The following PRKN variants were observed in gnomAD, a reference collection of about 807,000 sequenced individuals.
PRKN encodes parkin RBR E3 ubiquitin protein ligase, also known as E3 ubiquitin-protein ligase parkin.
In PRKN, 56 loss-of-function variants were observed where a neutral mutation model predicts 59.5. The ratio of observed to expected loss-of-function variants is 0.94; its 90% CI spans 0.76 to 1.18. The LOEUF is 1.18. Ranked by LOEUF, PRKN falls within the 50% of genes most tolerant of loss-of-function variation. PRKN has a pLI of 0.00. For synonymous variants in PRKN, 250 were observed against 222.1 expected, an observed-to-expected ratio of 1.13 and a Z score of -1.12; for missense variants, 657 against 596.4, an observed-to-expected ratio of 1.10 and a Z score of -1.06.
Position 161,679,873 on chromosome 6 carries a change from G to GC in PRKN, c.871+105898dup, listed in dbSNP as rs907443037. The stretch of plus-strand genomic sequence containing the variant: ...GGGTTAACACCATTCTCCTGCCTCA[G>GC]CCCCCCCAGGAGCTGGGACTACAGG... On this transcript the variant is annotated intron_variant, in intron 7 of 11. Coordinates refer to ENST00000366898, the MANE Select transcript of PRKN (RefSeq NM_004562.3). Among the ~76,000 whole-genome samples, 9 of 145,214 alleles carry GC rather than the reference G, an allele frequency of 6.2e-5. No homozygotes were observed. In the East Asian group the frequency reaches 6.6e-4, roughly 11 times the overall value.
At chr6:162,572,275 TA>T (rs952695118) in intron 1 of PRKN, among the ~76,000 whole-genome samples, 1 of 152,226 alleles carries the variant, frequency 6.6e-6, no homozygotes, top group African/African-American at 2.4e-5. Flanking sequence ...TAATGTTAAG[TA>T]ACTTGGGTTT....
chr6:162,122,715 G>GTTCT lies in PRKN; in HGVS notation c.535-68545_535-68542dup, dbSNP rs765306848. ...ATTTGGATAGCCTGGGGCTCAATCT[G>GTTCT]TTCTATCTATCTATCTATCTATCTA... On this transcript the variant is annotated intron_variant, in intron 4 of 11. Coordinates refer to ENST00000366898, the MANE Select transcript of PRKN (RefSeq NM_004562.3). Among the ~76,000 whole-genome samples the GTTCT allele has an allele frequency of 8.9e-4, 116 of 130,818 alleles. 1 individual carries two copies. The highest frequency in any genetic ancestry group is 2.9e-3 in the African/African-American group (98 of 34,306). The allele number at this position is 130,818 out of a possible 152,430, so 85.8% of individuals were successfully genotyped here. A position where few individuals can be genotyped will look rare whatever the true frequency, so the allele number is the denominator to read the frequency against.
intron 1 of PRKN, among the ~76,000 whole-genome samples, chr6:162,482,568 T>A (rs1420186218): frequency 6.6e-6 from 1 of 152,178 alleles, no homozygotes. Flanking sequence ...ATTCACAATA[T>A]TGGAATCAAA....
intron 2 of PRKN, among the ~76,000 whole-genome samples, chr6:162,339,706 G>T (rs1228401574): frequency 6.6e-6 from 1 of 152,176 alleles, no homozygotes; most frequent in African/African-American, 2.4e-5. Flanking sequence ...AGGGGGGAAG[G>T]GTGGGAAAAG....
At chr6:161,375,334 C>T (rs1785650476) in intron 10 of PRKN, among the ~76,000 whole-genome samples, 1 of 152,152 alleles carries the variant, frequency 6.6e-6, no homozygotes, top group Non-Finnish European at 1.5e-5. Flanking sequence ...GCTTGGAGAG[C>T]CCCAGCCCCA....
chr6:161,946,202 A>G (rs973497390), intron 6 of PRKN, among the ~76,000 whole-genome samples: 1 of 152,130 alleles, frequency 6.6e-6, no homozygotes, highest in African/African-American at 2.4e-5. Context: ...TTTTAGAATA[A>G]ATAGCGTACT....
chr6:161,376,604 T>G lies in PRKN; in HGVS notation c.1167+10190A>C, dbSNP rs142419030. 4.5e-3 allele frequency among the ~76,000 whole-genome samples: 679 copies of G among 152,232 alleles called. 6 individuals carry two copies. The highest frequency in any genetic ancestry group is 0.016 in the African/African-American group (652 of 41,546). Reference sequence around the variant, plus strand: ...CCTTTTAGGGGGTGCTCTGCTCTGCTCCCAGTCCCACCACCTTGGGACTGA... The same window carrying G: ...CCTTTTAGGGGGTGCTCTGCTCTGCGCCCAGTCCCACCACCTTGGGACTGA... On this transcript the variant is annotated intron_variant, in intron 10 of 11. Coordinates refer to ENST00000366898, the MANE Select transcript of PRKN (RefSeq NM_004562.3). The surrounding 1 kb of genome is among the most constrained non-coding windows in gnomAD (Gnocchi z 7.3).
intron 4 of PRKN, among the ~76,000 whole-genome samples, chr6:162,095,198 T>A (rs1161398042): frequency 3.3e-5 from 5 of 152,274 alleles, no homozygotes; most frequent in African/African-American, 1.2e-4. Context: ...GAGTTAGAGA[T>A]GATCAAATAT....
chr6:161,923,465 AAAAT>A (rs1481170340), intron 6 of PRKN, among the ~76,000 whole-genome samples: 1 of 152,158 alleles, frequency 6.6e-6, no homozygotes, highest in Non-Finnish European at 1.5e-5. Context: ...ATAAATAAAT[AAAAT>A]AAAGTAGATT....
chr6:162,528,544 C>G (rs1475928789), intron 1 of PRKN, among the ~76,000 whole-genome samples: 1 of 152,058 alleles, frequency 6.6e-6, no homozygotes, highest in African/African-American at 2.4e-5. Context: ...TTAGTATTGT[C>G]TTATTTAGTG....
At chr6:161,524,735 C>A (rs567904246) in intron 9 of PRKN, among the ~76,000 whole-genome samples, 1 of 152,200 alleles carries the variant, frequency 6.6e-6, no homozygotes, top group Admixed American at 6.5e-5. Context: ...AATGGTGAAT[C>A]TGGAGGTGAA....
chr6:162,189,933 G>A (rs137977218), intron 4 of PRKN, among the ~76,000 whole-genome samples: 1 of 152,052 alleles, frequency 6.6e-6, no homozygotes, highest in Non-Finnish European at 1.5e-5. Flanking sequence ...CTGAGTGTAC[G>A]CTTATTAGCA....
At chr6:161,948,685 C>T (rs1779871744) in intron 6 of PRKN, among the ~76,000 whole-genome samples, 1 of 152,122 alleles carries the variant, frequency 6.6e-6, no homozygotes, top group South Asian at 2.1e-4. Flanking sequence ...GGCCATGAGA[C>T]ATGCGAAGGC....
At position 161,413,860 on chromosome 6, in the gene PRKN, T is replaced by G. The variant is rs937257959; in HGVS notation, c.1084-26983A>C. ...GAGAGGACAGGGAGCATTTACAGCA[T>G]GAAGTCAGGCAGGGTGAGCCTCACC... is the stretch of plus-strand genomic sequence containing the variant. On this transcript the variant is annotated intron_variant, in intron 9 of 11. Coordinates refer to ENST00000366898, the MANE Select transcript of PRKN (RefSeq NM_004562.3). This position sits in a 1 kb window ranked among gnomAD's most constrained non-coding sequence, Gnocchi z 4.4. 3.9e-5 allele frequency among the ~76,000 whole-genome samples: 6 copies of G among 152,170 alleles called. No individual in the cohort carries two copies. The highest frequency in any genetic ancestry group is 1.4e-4 in the African/African-American group (6 of 41,432).
At position 162,377,870 on chromosome 6, in the gene PRKN, A is replaced by T. The variant is rs74440326; in HGVS notation, c.171+65440T>A. The stretch of plus-strand genomic sequence containing the variant: ...TAATACTCCAAACTATTCATGCTTA[A>T]GGCAATGTGGAATTTCAAGTGAAAG... On this transcript the variant is annotated intron_variant, in intron 2 of 11. Transcript: ENST00000366898. Among the ~76,000 whole-genome samples the T allele has an allele frequency of 7.4e-3, 1,132 of 152,304 alleles. 4 individuals are homozygous for T. Among genetic ancestry groups the T allele is most frequent in the African/African-American group, 0.019 (798 of 41,564 alleles).
intron 4 of PRKN, among the ~76,000 whole-genome samples, chr6:162,118,342 C>A (rs143307934): frequency 1.1e-3 from 162 of 151,862 alleles, no homozygotes; most frequent in African/African-American, 3.5e-3. Context: ...GGAGGTGGAG[C>A]TTGCAGTGAG....
intron 2 of PRKN, among the ~76,000 whole-genome samples, chr6:162,385,563 T>C (rs1340442443): frequency 6.6e-6 from 1 of 152,110 alleles, no homozygotes. Flanking sequence ...TGTGACACCG[T>C]GGTGTTTAAA....
At position 162,634,773 on chromosome 6, in the gene PRKN, G is replaced by A. The variant is rs75937636; in HGVS notation, c.7+92889C>T. Among the ~76,000 whole-genome samples, 189 of 152,226 alleles carry A rather than the reference G, an allele frequency of 1.2e-3. 2 individuals are homozygous for A. In the East Asian group the frequency reaches 0.022, roughly 17 times the overall value. On this transcript the variant is annotated intron_variant, in intron 1 of 11. Coordinates refer to ENST00000366898, the MANE Select transcript of PRKN (RefSeq NM_004562.3). ...CAAGTAGCTGGGACTAAAGGCACAC[G>A]CCACCATGGCCAGCTAATTTTTCTA... is the stretch of plus-strand genomic sequence containing the variant.
intron 7 of PRKN, among the ~76,000 whole-genome samples, chr6:161,731,060 A>C (rs1787688551): frequency 6.6e-6 from 1 of 150,982 alleles, no homozygotes; most frequent in Non-Finnish European, 1.5e-5. Context: ...TGCATTCTGA[A>C]GTGTTGCATT....
Sources: allele counts gnomAD v4.1 joint callset (sites outside exome capture counted in the v4.1 genomes callset), GRCh38; gene constraint gnomAD v4.1.1; non-coding constraint Gnocchi (gnomAD v3.1); transcripts MANE v1.5; gene names NCBI Gene and HGNC (gene_info 2026-07-23, HGNC 2026-07-21).